The following HSDL1 variants were observed in gnomAD, a reference collection of about 807,000 sequenced individuals.
The protein encoded by HSDL1 is hydroxysteroid dehydrogenase like 1.
A neutral mutation model predicts 31.5 loss-of-function variants in HSDL1; 29 were observed. That is an observed-to-expected ratio of 0.92 (90% confidence interval 0.69 to 1.26). The LOEUF is 1.26. Among genes scored for constraint, HSDL1 ranks in the 50% most tolerant of loss-of-function variants. The probability of loss-of-function intolerance (pLI) is 0.00; values close to 1 mark genes in which losing one functional copy is unlikely to be tolerated. For missense variants in HSDL1, 503 were observed against 416.6 expected, an observed-to-expected ratio of 1.21 and a Z score of -1.81; for synonymous variants, 222 against 155.2, an observed-to-expected ratio of 1.43 and a Z score of -3.20.
chr16:84,145,015 G>C (rs979669153), intron 1 of HSDL1, 65 bp downstream of exon 1: 1 of 152,892 alleles, frequency 6.5e-6, no homozygotes, highest in Non-Finnish European at 1.5e-5. Context: ...GCGCTGAGGG[G>C]ACCGAGGAGG....
At chr16:84,144,740 G>T (rs1047478978) in intron 1 of HSDL1, among the ~76,000 whole-genome samples, 4 of 150,784 alleles carry the variant, frequency 2.7e-5, no homozygotes, top group African/African-American at 9.7e-5. Flanking sequence ...GGTTTGGGGG[G>T]CAAGGCCCGG....
chr16:84,129,593 A>C lies in HSDL1; in HGVS notation c.849T>G (p.Leu283=). The C allele has an allele frequency of 6.2e-7, 1 of 1,614,240 alleles. No individual in the cohort carries two copies. Among genetic ancestry groups the C allele is most frequent in the South Asian group, 1.1e-5 (1 of 91,088 alleles). ...KVYAHHAVST[L]GISKRTTGYW... The stretch of plus-strand genomic sequence containing the variant: ...ATCCTGTGGTCCTTTTGGAAATCCC[A>C]AGAGTAGAAACAGCATGATGTGCAT... The change falls in exon 5 of 6, where the codon CTT becomes CTG. Residue 283 remains leucine (L), a synonymous_variant. Transcript: ENST00000219439.
chr16:84,131,507 ATCTATCTATCTATCT>A (rs2086666323), intron 2 of HSDL1, among the ~76,000 whole-genome samples, 180 bp from the exon 3 acceptor site: 1 of 151,400 alleles, frequency 6.6e-6, no homozygotes, highest in Non-Finnish European at 1.5e-5. Context: ...CTATCTATCT[ATCTATCTATCTATCT>A]ATCTATCTAT....
chr16:84,124,709 A>G lies in HSDL1; in HGVS notation c.914T>C (p.Met305Thr), dbSNP rs1448649008. 2 of 1,613,350 alleles carry G rather than the reference A, an allele frequency of 1.2e-6. No homozygotes were observed. The highest frequency in any genetic ancestry group is 1.7e-5 in the Admixed American group (1 of 60,002). The change falls in exon 6 of 6, where the codon ATG becomes ACG. Residue 305 changes from methionine to threonine, a missense_variant. Coordinates refer to ENST00000219439, the MANE Select transcript of HSDL1 (RefSeq NM_031463.5). ...HSIQFLFAQY[M>T]PEWLWVWGAN... ...TCCCCACACCCAGAGCCATTCAGGC[A>G]TATACTGTGCAAAAAGAAACTAAAA...
chr16:84,144,402 G>A (rs1417285144), intron 1 of HSDL1: 1 of 152,260 alleles, frequency 6.6e-6, no homozygotes. Flanking sequence ...GGATCGCCGA[G>A]GGGCGCTGCA....
At chr16:84,135,157 G>A (rs536402022) in intron 2 of HSDL1, among the ~76,000 whole-genome samples, 3 of 151,784 alleles carry the variant, frequency 2.0e-5, no homozygotes, top group Admixed American at 1.3e-4. Context: ...GGCATGAACC[G>A]GGGAGGCAGA....
intron 1 of HSDL1, among the ~76,000 whole-genome samples, chr16:84,140,491 CT>C (rs1401892519): frequency 1.3e-5 from 2 of 152,080 alleles, no homozygotes; most frequent in Non-Finnish European, 2.9e-5. Flanking sequence ...TCTTGAACTC[CT>C]GACCTCAAGT....
At chr16:84,131,529 C>CTATG (rs1555517125) in intron 2 of HSDL1, among the ~76,000 whole-genome samples, 1 of 151,910 alleles carries the variant, frequency 6.6e-6, no homozygotes, top group Non-Finnish European at 1.5e-5. Flanking sequence ...ATCTATCTAT[C>CTATG]TATCAGACAG....
chr16:84,136,650 C>T (rs889170302), intron 1 of HSDL1, among the ~76,000 whole-genome samples: 2 of 152,272 alleles, frequency 1.3e-5, no homozygotes, highest in Non-Finnish European at 2.9e-5. Flanking sequence ...GTACAGGAAC[C>T]TGGGGCTGAG....
intron 5 of HSDL1, among the ~76,000 whole-genome samples, chr16:84,127,626 A>G (rs1245625940): frequency 6.6e-6 from 1 of 151,764 alleles, no homozygotes; most frequent in African/African-American, 2.4e-5. Flanking sequence ...TCATGCAAAC[A>G]GTCCCAAAAA....
intron 1 of HSDL1, among the ~76,000 whole-genome samples, chr16:84,143,127 G>A (rs527680205): frequency 1.2e-4 from 18 of 152,134 alleles, no homozygotes; most frequent in Non-Finnish European, 2.5e-4. Context: ...AGAAACTTTT[G>A]CTCACATAAA....
At chr16:84,127,912 G>C (rs974512435) in intron 5 of HSDL1, among the ~76,000 whole-genome samples, 1 of 150,612 alleles carries the variant, frequency 6.6e-6, no homozygotes, top group Admixed American at 6.6e-5. Context: ...ATAGAGACGG[G>C]GTTTCACGGT....
intron 1 of HSDL1, among the ~76,000 whole-genome samples, chr16:84,143,877 C>T (rs1202683560): frequency 1.3e-5 from 2 of 151,566 alleles, no homozygotes; most frequent in East Asian, 3.9e-4. Context: ...GTAGAACGTG[C>T]CTGTAATCCC....
chr16:84,125,372 A>G (rs1164314363), intron 5 of HSDL1, among the ~76,000 whole-genome samples: 1 of 151,264 alleles, frequency 6.6e-6, no homozygotes, highest in Non-Finnish European at 1.5e-5. Flanking sequence ...ATCAATCACA[A>G]TACCCACCAA....
intron 2 of HSDL1, among the ~76,000 whole-genome samples, chr16:84,132,206 G>A (rs2086676102): frequency 1.3e-5 from 2 of 152,124 alleles, no homozygotes. Context: ...ATACAGCAGA[G>A]GTACATGTAT....
chr16:84,131,519 A>G (rs1017765723), intron 2 of HSDL1, among the ~76,000 whole-genome samples, 192 bp from the exon 3 acceptor site: 5 of 150,546 alleles, frequency 3.3e-5, no homozygotes, highest in South Asian at 2.1e-4. Flanking sequence ...CTATCTATCT[A>G]TCTATCTATC....
At position 84,124,424 on chromosome 16, in the gene HSDL1, G is replaced by C. The variant is rs375702439; in HGVS notation, c.*206C>G. ...ATGTAGATGTCGTCAATCAGCCTCA[G>C]GCATTATTGATCCTGTGCCATCCAC... On this transcript the variant is annotated 3_prime_UTR_variant, in exon 6 of 6. Coordinates refer to ENST00000219439, the MANE Select transcript of HSDL1 (RefSeq NM_031463.5). 4.0e-5 allele frequency: 19 copies of C among 472,338 alleles called. No individual in the cohort carries two copies. In the East Asian group the frequency reaches 6.1e-4, roughly 15 times the overall value. 29.3% of individuals were successfully genotyped at this position (472,338 alleles called of 1,614,324 possible). A position where few individuals can be genotyped will look rare whatever the true frequency, so the allele number is the denominator to read the frequency against.
At chr16:84,136,332 C>G (rs1191139473) in intron 1 of HSDL1, among the ~76,000 whole-genome samples, 1 of 152,360 alleles carries the variant, frequency 6.6e-6, no homozygotes, top group East Asian at 1.9e-4. Flanking sequence ...CCACCACACA[C>G]ACTGCATTGC....
chr16:84,129,290 G>T (rs1371340197), intron 5 of HSDL1, among the ~76,000 whole-genome samples: 1 of 151,976 alleles, frequency 6.6e-6, no homozygotes, highest in Non-Finnish European at 1.5e-5. Context: ...TGAGGCAGGA[G>T]AATGGCATGA....
Sources: allele counts gnomAD v4.1 joint callset (sites outside exome capture counted in the v4.1 genomes callset), GRCh38; gene constraint gnomAD v4.1.1; transcripts MANE v1.5; gene names NCBI Gene and HGNC (gene_info 2026-07-23, HGNC 2026-07-21).